Variants in GFPT2 observed in about 807,000 individuals in gnomAD.
GFPT2 encodes glutamine--fructose-6-phosphate transaminase 2.
In GFPT2, 62 loss-of-function variants were observed where a neutral mutation model predicts 85.6. The ratio of observed to expected loss-of-function variants is 0.72; its 90% CI spans 0.59 to 0.90. The LOEUF (loss-of-function observed/expected upper bound fraction) is 0.90, where lower values mean the gene tolerates loss of function less well. Ranked by LOEUF, GFPT2 falls within the 40% of genes least tolerant of loss-of-function variation. The probability of loss-of-function intolerance (pLI) is 0.00; values close to 1 mark genes in which losing one functional copy is unlikely to be tolerated. For synonymous variants in GFPT2, 368 were observed against 344.5 expected, an observed-to-expected ratio of 1.07 and a Z score of -0.75; for missense variants, 788 against 893.4, an observed-to-expected ratio of 0.88 and a Z score of 1.50.
chr5:180,331,732 G>A, intron 4 of GFPT2, 179 bp from the exon 5 acceptor site: 1 of 636,840 alleles, frequency 1.6e-6, no homozygotes. Flanking sequence ...AGTGGAACCA[G>A]GGATTAGCAC....
At position 180,353,280 on chromosome 5, in the gene GFPT2, C is replaced by T; in HGVS notation, c.-63G>A. The T allele has an allele frequency of 8.2e-7, 1 of 1,218,762 alleles. No individual in the cohort carries two copies. The highest frequency in any genetic ancestry group is 4.2e-5 in the South Asian group (1 of 23,970). 75.5% of individuals were successfully genotyped at this position (1,218,762 alleles called of 1,614,324 possible). On this transcript the variant is annotated 5_prime_UTR_variant, in exon 1 of 19. Coordinates refer to ENST00000253778, the MANE Select transcript of GFPT2 (RefSeq NM_005110.4). ...GTCTGCCCGTTCGGACGCTGGGGCT[C>T]CTCCGTGGGCTCCTCCGTGGGCTCC... is the stretch of plus-strand genomic sequence containing the variant.
intron 13 of GFPT2, among the ~76,000 whole-genome samples, chr5:180,315,609 G>A (rs13161805): frequency 0.049 from 7,492 of 152,188 alleles, 541 homozygotes; most frequent in African/African-American, 0.16. Flanking sequence ...GTGTCCGACC[G>A]GCACAAGATG....
At chr5:180,322,627 C>G (rs891011370) in intron 9 of GFPT2, among the ~76,000 whole-genome samples, 1 of 152,214 alleles carries the variant, frequency 6.6e-6, no homozygotes, top group Non-Finnish European at 1.5e-5. Flanking sequence ...TTACTCCCAG[C>G]TGCTAGTACT....
chr5:180,318,857 C>A lies in GFPT2; in HGVS notation c.894G>T (p.Ser298=). 6.2e-7 allele frequency: 1 copy of A among 1,614,004 alleles called. No individual in the cohort carries two copies. Among genetic ancestry groups the A allele is most frequent in the Non-Finnish European group, 8.5e-7 (1 of 1,179,958 alleles). Residue 298 remains serine (S), a synonymous_variant, in exon 10 of 19, where the codon TCG becomes TCT. Transcript: ENST00000253778. The surrounding 1 kb of genome is among the most constrained non-coding windows in gnomAD (Gnocchi z 4.2). ...TGGCTCGAGATGGGTCATCACTGGC[C>A]GAGCGCTTGACCCGGTGAATGGAGA... ...GKLSIHRVKR[S]ASDDPSRAIQ...
chr5:180,301,953 G>A (rs1388551189), intron 18 of GFPT2, among the ~76,000 whole-genome samples: 4 of 150,610 alleles, frequency 2.7e-5, no homozygotes, highest in Admixed American at 6.7e-5. Context: ...GGACTTATTT[G>A]TTTAGGGTGG....
chr5:180,345,723 C>A (rs1417744294), intron 1 of GFPT2, among the ~76,000 whole-genome samples: 1 of 152,116 alleles, frequency 6.6e-6, no homozygotes, highest in African/African-American at 2.4e-5. Context: ...CTTAGGTGCT[C>A]AATAAATCCA....
chr5:180,335,623 C>T (rs1449589571), intron 4 of GFPT2, among the ~76,000 whole-genome samples: 1 of 152,246 alleles, frequency 6.6e-6, no homozygotes, highest in Non-Finnish European at 1.5e-5. Flanking sequence ...GCCAGCACCA[C>T]CCTAGGACCA....
chr5:180,309,457 G>A (rs1044412075), intron 15 of GFPT2, among the ~76,000 whole-genome samples: 3 of 100,534 alleles, frequency 3.0e-5, no homozygotes, highest in East Asian at 4.5e-4. Flanking sequence ...TTTTGCTCTT[G>A]TTGCCCAGAC....
rs995413348 is a variant in GFPT2 at position 180,313,044 on chromosome 5, T to C, written c.1432-500A>G. On this transcript the variant is annotated intron_variant, in intron 14 of 18. Coordinates refer to ENST00000253778, the MANE Select transcript of GFPT2 (RefSeq NM_005110.4). The stretch of plus-strand genomic sequence containing the variant: ...CCCCTGCCTCGGCCTCCCAAAGTGC[T>C]GGGATTACAGGCCTGAGTCTCCGCA... Among the ~76,000 whole-genome samples the C allele has an allele frequency of 1.1e-3, 172 of 152,040 alleles. 1 individual carries two copies. Among genetic ancestry groups the C allele is most frequent in the Non-Finnish European group, 2.1e-3 (144 of 67,992 alleles).
rs768659348 is a variant in GFPT2, at chr5:180,304,927, T to C, written c.1687A>G (p.Ile563Val). The change falls in exon 17 of 19, where the codon ATA (isoleucine) becomes GTA (valine). Residue 563 changes from isoleucine to valine, a missense_variant. Coordinates refer to ENST00000253778, the MANE Select transcript of GFPT2 (RefSeq NM_005110.4). The stretch of plus-strand genomic sequence containing the variant: ...ATGCCTTCTGAGTGCATGTAGGTTA[T>C]CTCTTTAATTTTCTGGAAACAGGAG... ...CLEGALKIKE[I>V]TYMHSEGILA... 2.5e-6 allele frequency: 4 copies of C among 1,608,080 alleles called. No homozygotes were observed. The Admixed American group carries it at 5.0e-5, about 20-fold the overall frequency.
In GFPT2 at chr5:180,316,945, A is replaced by C; in HGVS notation, c.1054+18T>G. 6.4e-7 allele frequency: 1 copy of C among 1,565,858 alleles called. No individual in the cohort carries two copies. ...GACTAGGCTCGGGCGGAGGCTCCCC[A>C]CCGAGTGTAGGAATTACCTGTGTTG... On this transcript the variant is annotated intron_variant, in intron 11 of 18. Transcript: ENST00000253778.
At chr5:180,313,099 G>C (rs567845168) in intron 14 of GFPT2, among the ~76,000 whole-genome samples, 6 of 151,452 alleles carry the variant, frequency 4.0e-5, no homozygotes, top group Non-Finnish European at 7.4e-5. Flanking sequence ...TTGAAGGGAC[G>C]GGGTTGCCCG....
Position 180,318,847 on chromosome 5 carries a change from C to A in GFPT2, c.904G>T (p.Asp302Tyr). The part of the protein sequence containing the change: ...IHRVKRSASD[D>Y]PSRAIQTLQM... ...AAGGTCTGGATGGCTCGAGATGGGT[C>A]ATCACTGGCCGAGCGCTTGACCCGG... The change falls in exon 10 of 19, where the codon GAC (aspartate) becomes TAC (tyrosine). Residue 302 changes from aspartate to tyrosine, a missense_variant. Transcript: ENST00000253778. This position sits in a 1 kb window ranked among gnomAD's most constrained non-coding sequence, Gnocchi z 4.2. The A allele has an allele frequency of 1.2e-6, 2 of 1,614,044 alleles. No homozygotes were observed. Among genetic ancestry groups the A allele is most frequent in the Non-Finnish European group, 1.7e-6 (2 of 1,179,986 alleles).
intron 1 of GFPT2, among the ~76,000 whole-genome samples, chr5:180,341,741 T>C (rs1196760546): frequency 6.6e-6 from 1 of 152,186 alleles, no homozygotes. Flanking sequence ...AGGAGCTGAA[T>C]GTATGGGCTG....
chr5:180,335,869 C>G lies in GFPT2; in HGVS notation c.299G>C (p.Ser100Thr). Residue 100 changes from serine (S) to threonine (T), a missense_variant, in exon 4 of 19, where the codon AGT (serine) becomes ACT (threonine). Coordinates refer to ENST00000253778, the MANE Select transcript of GFPT2 (RefSeq NM_005110.4). ...HTRWATHGVP[S>T]AVNSHPQRSD... ...GCGCTGAGGGTGGCTGTTGACAGCA[C>G]TGGGGACCCCGTGGGTGGCCCAGCG... The G allele has an allele frequency of 6.3e-7, 1 of 1,591,166 alleles. No homozygotes were observed. Among genetic ancestry groups the G allele is most frequent in the Middle Eastern group, 1.7e-4 (1 of 5,958 alleles).
At position 180,304,880 on chromosome 5, in the gene GFPT2, G is replaced by A. The variant is rs777354105; in HGVS notation, c.1734C>T (p.His578=). ...GCTTGTCAATCAGTGCCAGGGGCCC[G>A]TGCTTCAGCTCCCCAGCCAGGATGC... is the stretch of plus-strand genomic sequence containing the variant. ...SEGILAGELK[H]GPLALIDKQM... is the part of the protein sequence containing the mutation. Residue 578 remains histidine, a synonymous_variant, in exon 17 of 19, where the codon CAC becomes CAT. Coordinates refer to ENST00000253778, the MANE Select transcript of GFPT2 (RefSeq NM_005110.4). The A allele has an allele frequency of 2.1e-5, 34 of 1,612,880 alleles. No individual in the cohort carries two copies. The highest frequency in any genetic ancestry group is 2.6e-5 in the Non-Finnish European group (31 of 1,178,924).
intron 15 of GFPT2, among the ~76,000 whole-genome samples, chr5:180,308,910 C>T (rs11249699): frequency 0.11 from 17,067 of 151,262 alleles, 1,202 homozygotes; most frequent in African/African-American, 0.19. Flanking sequence ...CACTCTGTCA[C>T]CCAACCTGGG....
chr5:180,311,939 G>A (rs1475880924), intron 15 of GFPT2, among the ~76,000 whole-genome samples: 1 of 151,296 alleles, frequency 6.6e-6, no homozygotes, highest in Non-Finnish European at 1.5e-5. Context: ...AGAAAGCACT[G>A]AGCACTGCTG....
At chr5:180,353,044 G>A in intron 1 of GFPT2, 167 bp downstream of exon 1, 1 of 473,682 alleles carries the variant, frequency 2.1e-6, no homozygotes, top group Non-Finnish European at 3.3e-6. Context: ...CGCGGGTGAG[G>A]GGCAGCCAGG....
Sources: allele counts gnomAD v4.1 joint callset (sites outside exome capture counted in the v4.1 genomes callset), GRCh38; gene constraint gnomAD v4.1.1; non-coding constraint Gnocchi (gnomAD v3.1); transcripts MANE v1.5; gene names NCBI Gene and HGNC (gene_info 2026-07-23, HGNC 2026-07-21).